The following CNTNAP2 variants were observed in gnomAD, a reference collection of about 807,000 sequenced individuals.
The protein encoded by CNTNAP2 is contactin-associated protein-like 2.
Under a neutral mutation model 155.2 loss-of-function variants are expected in CNTNAP2, and 98 were observed. The ratio of observed to expected loss-of-function variants is 0.63; its 90% CI spans 0.54 to 0.75. The LOEUF is 0.75. Among genes scored for constraint, CNTNAP2 ranks in the 30% least tolerant of loss-of-function variants. CNTNAP2 has a pLI of 0.00. For missense variants in CNTNAP2, 1,727 were observed against 1,688.1 expected (o/e 1.02, Z -0.40); for synonymous variants, 651 against 631.2 (o/e 1.03, Z -0.47).
At position 147,987,075 on chromosome 7, in the gene CNTNAP2, A is replaced by C. The variant is rs78833438; in HGVS notation, c.2383+9086A>C. Among the ~76,000 whole-genome samples, 102 of 152,298 alleles carry C rather than the reference A, an allele frequency of 6.7e-4. No individual in the cohort carries two copies. In the East Asian group the frequency reaches 0.019, roughly 28 times the overall value. On this transcript the variant is annotated intron_variant, in intron 15 of 23. Transcript: ENST00000361727. ...ACAACTGAGAAGCAGTAGTGGGTCTAAGAACAAGCAGAAATAGTGAAATTT... is the reference window on the plus strand; with the variant it reads ...ACAACTGAGAAGCAGTAGTGGGTCTCAGAACAAGCAGAAATAGTGAAATTT...
At chr7:146,178,214 T>C (rs1452068854) in intron 1 of CNTNAP2, among the ~76,000 whole-genome samples, 1 of 152,080 alleles carries the variant, frequency 6.6e-6, no homozygotes, top group Non-Finnish European at 1.5e-5. Context: ...TTTGTATTTT[T>C]AGTAGAGACG....
At chr7:146,678,892 C>A (rs1361279733) in intron 1 of CNTNAP2, among the ~76,000 whole-genome samples, 1 of 152,080 alleles carries the variant, frequency 6.6e-6, no homozygotes. Context: ...GTTTTCAGAT[C>A]ATAAATTGCT....
intron 13 of CNTNAP2, among the ~76,000 whole-genome samples, chr7:147,751,989 G>C (rs1398044070): frequency 6.6e-6 from 1 of 152,068 alleles, no homozygotes; most frequent in Non-Finnish European, 1.5e-5. Flanking sequence ...CTACACACAG[G>C]TTCTTCTGAT....
chr7:146,493,108 T>C (rs1437730724), intron 1 of CNTNAP2, among the ~76,000 whole-genome samples: 1 of 152,212 alleles, frequency 6.6e-6, no homozygotes, highest in Admixed American at 6.5e-5. Flanking sequence ...TAACTTACTT[T>C]CCTTGACATG....
At chr7:147,073,212 A>G (rs1243266450) in intron 4 of CNTNAP2, among the ~76,000 whole-genome samples, 2 of 145,476 alleles carry the variant, frequency 1.4e-5, no homozygotes, top group African/African-American at 5.6e-5. Flanking sequence ...CATATATTCC[A>G]CAAAATACTA....
chr7:147,404,719 A>G (rs923405901), intron 10 of CNTNAP2, among the ~76,000 whole-genome samples: 1 of 152,084 alleles, frequency 6.6e-6, no homozygotes, highest in African/African-American at 2.4e-5. Context: ...AGAAGGGAGG[A>G]GCTTCCTGTT....
intron 13 of CNTNAP2, among the ~76,000 whole-genome samples, chr7:147,901,202 T>C (rs1799862426): frequency 6.6e-6 from 1 of 152,204 alleles, no homozygotes; most frequent in African/African-American, 2.4e-5. Context: ...TTACTTCTTT[T>C]CTCTATTAAC....
intron 14 of CNTNAP2, among the ~76,000 whole-genome samples, chr7:147,966,464 T>G (rs892122841): frequency 6.6e-6 from 1 of 152,146 alleles, no homozygotes; most frequent in Non-Finnish European, 1.5e-5. Flanking sequence ...ATTTGATTTA[T>G]AAAAATTGTC....
chr7:148,341,187 G>A (rs1453855251), intron 21 of CNTNAP2, among the ~76,000 whole-genome samples: 1 of 152,152 alleles, frequency 6.6e-6, no homozygotes, highest in Non-Finnish European at 1.5e-5. Flanking sequence ...CTACTGTAAT[G>A]GTACTGTGCC....
At chr7:146,666,472 G>A (rs1585032732) in intron 1 of CNTNAP2, among the ~76,000 whole-genome samples, 1 of 152,266 alleles carries the variant, frequency 6.6e-6, no homozygotes, top group Middle Eastern at 3.4e-3. Context: ...AGATGCAGAT[G>A]TCTTTTTGAT....
At chr7:148,287,995 T>G (rs1317111558) in intron 21 of CNTNAP2, among the ~76,000 whole-genome samples, 1 of 151,862 alleles carries the variant, frequency 6.6e-6, no homozygotes, top group Admixed American at 6.6e-5. Flanking sequence ...TTTCACCATG[T>G]TGGCCAGGAT....
At chr7:147,436,808 G>A (rs1042600245) in intron 10 of CNTNAP2, among the ~76,000 whole-genome samples, 1 of 152,090 alleles carries the variant, frequency 6.6e-6, no homozygotes, top group Non-Finnish European at 1.5e-5. Flanking sequence ...TTGAAGTTAG[G>A]CTCCCACCCA....
At chr7:146,572,825 C>G (rs1479623016) in intron 1 of CNTNAP2, among the ~76,000 whole-genome samples, 2 of 151,894 alleles carry the variant, frequency 1.3e-5, no homozygotes, top group Non-Finnish European at 2.9e-5. Context: ...TAACGATATT[C>G]TATAAAAATG....
intron 8 of CNTNAP2, among the ~76,000 whole-genome samples, chr7:147,200,424 C>A (rs1204178965): frequency 6.6e-6 from 1 of 152,082 alleles, no homozygotes; most frequent in African/African-American, 2.4e-5. Context: ...ATTCCCTGAG[C>A]CCTAATTCAG....
intron 15 of CNTNAP2, among the ~76,000 whole-genome samples, chr7:147,996,168 C>T (rs776167671): frequency 6.6e-6 from 1 of 152,164 alleles, no homozygotes; most frequent in Non-Finnish European, 1.5e-5. Context: ...AGCTTTGAAC[C>T]ACAAGAAACA....
intron 3 of CNTNAP2, among the ~76,000 whole-genome samples, chr7:146,899,184 C>A (rs1795941748): frequency 6.6e-6 from 1 of 152,146 alleles, no homozygotes; most frequent in South Asian, 2.1e-4. Flanking sequence ...TCTTCTTATT[C>A]CACACATTCT....
chr7:147,721,999 G>T (rs1275055244), intron 13 of CNTNAP2, among the ~76,000 whole-genome samples: 2 of 152,154 alleles, frequency 1.3e-5, no homozygotes, highest in African/African-American at 4.8e-5. Context: ...TGATCAGCAA[G>T]TCTGTTCAGT....
chr7:147,800,308 C>CA (rs1191033107), intron 13 of CNTNAP2, among the ~76,000 whole-genome samples: 1 of 152,050 alleles, frequency 6.6e-6, no homozygotes, highest in Non-Finnish European at 1.5e-5. Context: ...AATAAGGTGG[C>CA]TGATCATGAT....
At chr7:148,268,071 A>G (rs1401048957) in intron 21 of CNTNAP2, among the ~76,000 whole-genome samples, 1 of 152,212 alleles carries the variant, frequency 6.6e-6, no homozygotes, top group African/African-American at 2.4e-5. Flanking sequence ...AAAATGTACC[A>G]TGAGCCACAG....
Sources: gnomAD v4.1 joint callset for allele counts (sites outside exome capture counted in the v4.1 genomes callset) on GRCh38, gnomAD v4.1.1 for gene constraint, MANE v1.5 for transcripts, NCBI Gene and HGNC (gene_info 2026-07-23, HGNC 2026-07-21) for gene names.